RNF138: variants seen among roughly 807,000 people sequenced by gnomAD.
The protein encoded by RNF138 is ring finger protein 138.
RNF138 carries 12 observed loss-of-function variants against 31.0 expected under a neutral mutation model. The observed-to-expected ratio is 0.39, with a 90% confidence interval of 0.25 to 0.63. The LOEUF (loss-of-function observed/expected upper bound fraction) is 0.63, where lower values mean the gene tolerates loss of function less well. Ranked by LOEUF, RNF138 falls within the 20% of genes least tolerant of loss-of-function variation. The pLI, the probability that RNF138 is intolerant of heterozygous loss-of-function variation, is 0.52. For missense variants in RNF138, 192 were observed against 300.1 expected, an observed-to-expected ratio of 0.64 and a Z score of 2.66; for synonymous variants, 105 against 99.5, an observed-to-expected ratio of 1.06 and a Z score of -0.33.
intron 2 of RNF138, among the ~76,000 whole-genome samples, chr18:32,101,298 A>G (rs1792081515): frequency 6.6e-6 from 1 of 150,690 alleles, no homozygotes; most frequent in African/African-American, 2.5e-5. Flanking sequence ...GGCTCACTGT[A>G]ACCTCCGCCT....
intron 4 of RNF138, among the ~76,000 whole-genome samples, chr18:32,121,971 C>A (rs1037967453): frequency 6.6e-6 from 1 of 152,040 alleles, no homozygotes; most frequent in African/African-American, 2.4e-5. Context: ...CGGTTTCAAG[C>A]GATTCTCATG....
intron 6 of RNF138, chr18:32,125,061 G>A (rs563023114): frequency 6.3e-6 from 3 of 479,584 alleles, no homozygotes; most frequent in South Asian, 2.6e-5. Flanking sequence ...GATGCATAGT[G>A]TGAGGTAATA....
At chr18:32,097,977 T>TG (rs763759065) in intron 2 of RNF138, among the ~76,000 whole-genome samples, 2,825 of 49,728 alleles carry the variant, frequency 0.057, 74 homozygotes, top group African/African-American at 0.19. Flanking sequence ...TGTGTGTGTG[T>TG]TATTTTTGTT....
intron 2 of RNF138, among the ~76,000 whole-genome samples, chr18:32,104,138 C>T (rs2039989783): frequency 6.6e-6 from 1 of 151,480 alleles, no homozygotes; most frequent in Non-Finnish European, 1.5e-5. Flanking sequence ...CTTAGCCTCC[C>T]AAATAGTTGG....
chr18:32,093,582 T>A (rs1163071464), intron 2 of RNF138, among the ~76,000 whole-genome samples: 1 of 152,216 alleles, frequency 6.6e-6, no homozygotes, highest in African/African-American at 2.4e-5. Flanking sequence ...TTGTTTTACC[T>A]TTCTGCTTAC....
chr18:32,100,198 TGA>T (rs909698916), intron 2 of RNF138, among the ~76,000 whole-genome samples: 1 of 139,962 alleles, frequency 7.1e-6, no homozygotes, highest in African/African-American at 3.1e-5. Context: ...TGTTAGTGAT[TGA>T]GATATATATA....
chr18:32,117,973 AT>A (rs2040243683), intron 4 of RNF138, among the ~76,000 whole-genome samples: 1 of 152,194 alleles, frequency 6.6e-6, no homozygotes, highest in African/African-American at 2.4e-5. Context: ...CTCCTTGGAA[AT>A]CATTTGGTCT....
intron 2 of RNF138, among the ~76,000 whole-genome samples, chr18:32,110,437 C>T (rs1179396275): frequency 6.6e-6 from 1 of 152,206 alleles, no homozygotes; most frequent in African/African-American, 2.4e-5. Context: ...ATCCTCTGAA[C>T]AGCCGAATCA....
At chr18:32,111,945 C>T (rs777931706) in intron 3 of RNF138, 26 bp downstream of exon 3, 10 of 1,510,266 alleles carry the variant, frequency 6.6e-6, no homozygotes, top group South Asian at 2.6e-5. Flanking sequence ...CATCTCTCTT[C>T]TTTGGAAGCC....
In RNF138 at chr18:32,105,904, C is replaced by T. The variant is rs535716137; in HGVS notation, c.111-5850C>T. The stretch of plus-strand genomic sequence containing the variant: ...GTTTTGGTCCATCAACAAATGGTAG[C>T]TGAAGCAAAGCACATCAAAACATAG... On this transcript the variant is annotated intron_variant, in intron 2 of 7. Transcript: ENST00000261593. Among the ~76,000 whole-genome samples the T allele has an allele frequency of 5.9e-5, 9 of 152,308 alleles. No individual in the cohort carries two copies. The South Asian group carries it at 1.9e-3, about 32-fold the overall frequency.
chr18:32,096,071 A>G (rs578186496), intron 2 of RNF138, among the ~76,000 whole-genome samples: 1 of 152,244 alleles, frequency 6.6e-6, no homozygotes, highest in Non-Finnish European at 1.5e-5. Context: ...AGCCAAAGAC[A>G]GCGTAGTGGA....
At chr18:32,128,972 C>A (rs2040428593) in intron 7 of RNF138, 147 bp from the exon 8 acceptor site, 1 of 550,680 alleles carries the variant, frequency 1.8e-6, no homozygotes, top group Non-Finnish European at 3.3e-6. Flanking sequence ...TTAAAAGATA[C>A]TGTTATATAT....
At chr18:32,107,257 A>G (rs2040048649) in intron 2 of RNF138, among the ~76,000 whole-genome samples, 1 of 148,120 alleles carries the variant, frequency 6.8e-6, no homozygotes, top group African/African-American at 2.5e-5. Flanking sequence ...AGTAGCTGGG[A>G]CTACAGGTGC....
At chr18:32,100,186 G>A (rs1028902183) in intron 2 of RNF138, among the ~76,000 whole-genome samples, 14 of 148,490 alleles carry the variant, frequency 9.4e-5, no homozygotes, top group African/African-American at 3.6e-4. Context: ...CTTGGAGCTG[G>A]GTGTTAGTGA....
Position 32,101,405 on chromosome 18 carries a change from A to T in RNF138, c.110+8519A>T, listed in dbSNP as rs559590571. On this transcript the variant is annotated intron_variant, in intron 2 of 7. Coordinates refer to ENST00000261593, the MANE Select transcript of RNF138 (RefSeq NM_016271.5). ...GGCTAATTTTTGTGTATATATATAT[A>T]TTTTTAAATTAGAGTCAGGGTTTCA... Among the ~76,000 whole-genome samples, 13 of 151,392 alleles carry T rather than the reference A, an allele frequency of 8.6e-5. No homozygotes were observed. In the East Asian group the frequency reaches 1.2e-3, roughly 14 times the overall value.
intron 4 of RNF138, among the ~76,000 whole-genome samples, chr18:32,122,244 G>A (rs1249851633): frequency 6.6e-6 from 1 of 152,148 alleles, no homozygotes; most frequent in East Asian, 1.9e-4. Context: ...TATCTTCACA[G>A]AAGTGAACTG....
chr18:32,102,090 C>G (rs1241875021), intron 2 of RNF138, among the ~76,000 whole-genome samples: 1 of 150,310 alleles, frequency 6.7e-6, no homozygotes, highest in East Asian at 2.0e-4. Flanking sequence ...GCTGTGTTAC[C>G]CAGAATGGCC....
At chr18:32,112,624 G>C (rs2040150449) in intron 3 of RNF138, among the ~76,000 whole-genome samples, 1 of 152,352 alleles carries the variant, frequency 6.6e-6, no homozygotes, top group South Asian at 2.1e-4. Flanking sequence ...AGAGGTTGCG[G>C]TGAGCTGAGA....
chr18:32,131,041 A>T lies in RNF138; in HGVS notation c.*1854A>T, dbSNP rs978530288. The T allele has an allele frequency of 6.6e-6, 1 of 151,252 alleles. No homozygotes were observed. The highest frequency in any genetic ancestry group is 2.4e-5 in the African/African-American group (1 of 41,042). The allele number at this position is 151,252 out of a possible 1,614,324, so 9.4% of individuals were successfully genotyped here. A position where few individuals can be genotyped will look rare whatever the true frequency, so the allele number is the denominator to read the frequency against. ...ATTTGCAAAGTTTAATACATCCAAT[A>T]TGTCAAGTTAAACCATTCTGGGATT... is the stretch of plus-strand genomic sequence containing the variant. On this transcript the variant is annotated 3_prime_UTR_variant, in exon 8 of 8. Transcript: ENST00000261593.
Sources: allele counts gnomAD v4.1 joint callset (sites outside exome capture counted in the v4.1 genomes callset), GRCh38; gene constraint gnomAD v4.1.1; transcripts MANE v1.5; gene names NCBI Gene and HGNC (gene_info 2026-07-23, HGNC 2026-07-21).